DCHS2: variants seen among roughly 807,000 people sequenced by gnomAD.
DCHS2 encodes the protein protocadherin-23.
Under a neutral mutation model 182.4 loss-of-function variants are expected in DCHS2, and 142 were observed. The observed-to-expected ratio is 0.78, with a 90% CI of 0.68 to 0.89. The LOEUF (loss-of-function observed/expected upper bound fraction) is 0.89, where lower values mean the gene tolerates loss of function less well. Among genes scored for constraint, DCHS2 ranks in the 40% least tolerant of loss-of-function variants. DCHS2 has a pLI of 0.00. For synonymous variants in DCHS2, 1,740 were observed against 1,663.3 expected (o/e 1.05, Z -1.12); for missense variants, 4,319 against 4,198.6 (o/e 1.03, Z -0.79).
Position 154,234,795 on chromosome 4 carries a change from T to G in DCHS2, c.9857A>C (p.Gln3286Pro). The stretch of plus-strand genomic sequence containing the variant: ...TGGTGGGACTGCTTTAATCCCAGGC[T>G]GGGCTACTGCTGTTATCAAAGGGGG... ...FPPPLITAVA[Q>P]PGIKAVPPRM... The change falls in exon 20 of 20, where the codon CAG becomes CCG. Residue 3286 changes from glutamine (Q) to proline (P), a missense_variant. Coordinates refer to ENST00000357232, the MANE Select transcript of DCHS2 (RefSeq NM_001358235.2). 1 of 1,614,044 alleles carries G rather than the reference T, an allele frequency of 6.2e-7. No homozygotes were observed. Among genetic ancestry groups the G allele is most frequent in the Non-Finnish European group, 8.5e-7 (1 of 1,179,946 alleles).
intron 3 of DCHS2, among the ~76,000 whole-genome samples, chr4:154,345,099 G>A (rs1405301929): frequency 2.6e-5 from 4 of 152,154 alleles, no homozygotes; most frequent in East Asian, 3.9e-4. Flanking sequence ...TCTGAAAGTC[G>A]CCTGTAACAG....
At chr4:154,418,985 A>G (rs775481881) in intron 1 of DCHS2, among the ~76,000 whole-genome samples, 2 of 152,234 alleles carry the variant, frequency 1.3e-5, no homozygotes, top group African/African-American at 2.4e-5. Context: ...TAAAAGAAAA[A>G]ACAAGCCTAT....
chr4:154,239,126 G>T, intron 19 of DCHS2, 44 bp downstream of exon 19: 1 of 1,578,134 alleles, frequency 6.3e-7, no homozygotes, highest in South Asian at 1.2e-5. Flanking sequence ...TTTCTACTTT[G>T]AAACCCAAAC....
At chr4:154,318,662 T>C (rs1735945074) in intron 9 of DCHS2, among the ~76,000 whole-genome samples, 1 of 152,070 alleles carries the variant, frequency 6.6e-6, no homozygotes, top group African/African-American at 2.4e-5. Flanking sequence ...GTGAGTACCC[T>C]ACATATTGAA....
chr4:154,385,714 G>A (rs746639280), intron 1 of DCHS2, among the ~76,000 whole-genome samples: 7 of 151,796 alleles, frequency 4.6e-5, no homozygotes, highest in South Asian at 2.1e-4. Context: ...GGATAGTCTC[G>A]ATCTCTTGAC....
chr4:154,387,462 C>T (rs567228383), intron 1 of DCHS2, among the ~76,000 whole-genome samples: 1 of 152,102 alleles, frequency 6.6e-6, no homozygotes, highest in Admixed American at 6.5e-5. Flanking sequence ...GGTTTATTCA[C>T]ATAAATTGCT....
chr4:154,314,215 A>G (rs967251988), intron 10 of DCHS2, among the ~76,000 whole-genome samples: 1 of 152,178 alleles, frequency 6.6e-6, no homozygotes, highest in Non-Finnish European at 1.5e-5. Flanking sequence ...GTATATGTCT[A>G]TATACTTTGG....
chr4:154,406,071 T>C (rs1436390808), intron 1 of DCHS2, among the ~76,000 whole-genome samples: 1 of 152,238 alleles, frequency 6.6e-6, no homozygotes. Context: ...AAACCAATTA[T>C]CTCCTAGCAC....
At chr4:154,386,854 T>C (rs2110835668) in intron 1 of DCHS2, among the ~76,000 whole-genome samples, 1 of 152,340 alleles carries the variant, frequency 6.6e-6, no homozygotes, top group African/African-American at 2.4e-5. Flanking sequence ...CATCAAACAC[T>C]CATTGAGAAA....
chr4:154,325,316 C>CGTGTGTGTGTGTGT (rs75589397), intron 7 of DCHS2, among the ~76,000 whole-genome samples: 71 of 142,758 alleles, frequency 5.0e-4, no homozygotes, highest in African/African-American at 1.7e-3. Context: ...GGATTATAGC[C>CGTGTGTGTGTGTGT]GTGTGTGTGT....
intron 1 of DCHS2, among the ~76,000 whole-genome samples, chr4:154,473,376 G>A (rs1735553210): frequency 6.6e-6 from 1 of 152,186 alleles, no homozygotes; most frequent in South Asian, 2.1e-4. Context: ...CTTGTGCCGA[G>A]TGACCAGCTG....
At chr4:154,445,506 C>T (rs1734243424) in intron 1 of DCHS2, among the ~76,000 whole-genome samples, 1 of 152,152 alleles carries the variant, frequency 6.6e-6, no homozygotes, top group African/African-American at 2.4e-5. Flanking sequence ...GTGCACCTCC[C>T]CTTACAACGA....
chr4:154,490,435 C>T lies in DCHS2; in HGVS notation c.921G>A (p.Glu307=). 1 of 1,534,482 alleles carries T rather than the reference C, an allele frequency of 6.5e-7. No individual in the cohort carries two copies. Among genetic ancestry groups the T allele is most frequent in the Non-Finnish European group, 8.7e-7 (1 of 1,145,458 alleles). Residue 307 remains glutamate (E), a synonymous_variant, in exon 1 of 20, where the codon GAG becomes GAA. Coordinates refer to ENST00000357232, the MANE Select transcript of DCHS2 (RefSeq NM_001358235.2). The stretch of plus-strand genomic sequence containing the variant: ...AGACCTCGGCGCCCGGCTGGGCGTC[C>T]TCGCGCACCGCGGCGCGGTACTCGT... ...EQDEYRAAVR[E]DAQPGAEVCR...
chr4:154,457,847 T>C (rs1200297488), intron 1 of DCHS2, among the ~76,000 whole-genome samples: 3 of 152,146 alleles, frequency 2.0e-5, no homozygotes, highest in Non-Finnish European at 4.4e-5. Flanking sequence ...TTTAACGAGT[T>C]CTCTGGTGTT....
At chr4:154,270,142 A>C in intron 13 of DCHS2, 129 bp from the exon 14 acceptor site, 2 of 1,172,674 alleles carry the variant, frequency 1.7e-6, no homozygotes, top group Non-Finnish European at 2.3e-6. Context: ...ACAATAACTT[A>C]TTGTCTTCAA....
At chr4:154,382,369 A>G (rs1731207991) in intron 1 of DCHS2, among the ~76,000 whole-genome samples, 1 of 152,128 alleles carries the variant, frequency 6.6e-6, no homozygotes, top group South Asian at 2.1e-4. Flanking sequence ...ATTTAAATAT[A>G]AGACCTCAAA....
rs1172883131 is a variant in DCHS2 at position 154,332,659 on chromosome 4, AT to A, written c.3548del (p.Asp1183ValfsTer16). The A allele has an allele frequency of 8.1e-6, 13 of 1,614,140 alleles. No homozygotes were observed. Among genetic ancestry groups the A allele is most frequent in the Non-Finnish European group, 1.1e-5 (13 of 1,180,056 alleles). On this transcript the variant is annotated frameshift_variant, in exon 5 of 20. Coordinates refer to ENST00000357232, the MANE Select transcript of DCHS2 (RefSeq NM_001358235.2). LOFTEE classifies it high-confidence loss of function. ...VSTTVIVRVW[D>X]ENDNSPTFLH... The stretch of plus-strand genomic sequence containing the variant: ...AGAAGGTGGGGGAATTGTCATTCTC[AT>A]CCCAGACACGAACAATGACTGTAGT...
chr4:154,408,764 C>T (rs1354846789), intron 1 of DCHS2, among the ~76,000 whole-genome samples: 1 of 151,886 alleles, frequency 6.6e-6, no homozygotes, highest in African/African-American at 2.4e-5. Flanking sequence ...CTCCACCACC[C>T]CATCACCCAG....
intron 1 of DCHS2, among the ~76,000 whole-genome samples, chr4:154,403,533 G>T (rs1732278396): frequency 6.6e-6 from 1 of 151,992 alleles, no homozygotes; most frequent in African/African-American, 2.4e-5. Flanking sequence ...TACATGATTG[G>T]ATTTGATTTC....
Sources: allele counts gnomAD v4.1 joint callset (sites outside exome capture counted in the v4.1 genomes callset), GRCh38; gene constraint gnomAD v4.1.1; transcripts MANE v1.5; gene names NCBI Gene and HGNC (gene_info 2026-07-23, HGNC 2026-07-21).